GARIN3: variants seen among roughly 807,000 people sequenced by gnomAD.
GARIN3 encodes Golgi-associated RAB2 interactor protein 3.
At chr5:157,165,935 G>T in the GARIN3 span, 1 of 1,614,194 alleles carries the variant, frequency 6.2e-7, no homozygotes, top group Non-Finnish European at 8.5e-7. Flanking sequence ...GGAGGATGGG[G>T]CTGGTGCAGA....
the GARIN3 span, chr5:157,163,465 CCTGCTGTCCTT>C: frequency 5.6e-6 from 9 of 1,614,234 alleles, no homozygotes; most frequent in South Asian, 9.9e-5. Flanking sequence ...TGCCATGCCA[CCTGCTGTCCTT>C]GCTGCTCCTC....
chr5:157,165,833 C>A, the GARIN3 span: 13 of 1,614,096 alleles, frequency 8.1e-6, no homozygotes, highest in Non-Finnish European at 1.1e-5. Flanking sequence ...TCTTGACGGG[C>A]CTGCGACCTC....
chr5:157,163,277 T>C, the GARIN3 span: 10 of 1,614,220 alleles, frequency 6.2e-6, no homozygotes, highest in South Asian at 1.1e-5. Context: ...GCACCTGCCA[T>C]GGACTTGCTG....
chr5:157,163,079 C>G, the GARIN3 span: 4 of 1,614,218 alleles, frequency 2.5e-6, no homozygotes, highest in Non-Finnish European at 3.4e-6. Flanking sequence ...ATGAGGGGTC[C>G]CACTGCTGGT....
the GARIN3 span, chr5:157,162,731 T>C: frequency 3.7e-6 from 6 of 1,614,210 alleles, no homozygotes; most frequent in Non-Finnish European, 5.1e-6. Flanking sequence ...AGTTCCTGAG[T>C]TGTTCTCGAC....
chr5:157,164,442 G>A, the GARIN3 span, among the ~76,000 whole-genome samples: 2 of 152,098 alleles, frequency 1.3e-5, no homozygotes, highest in Admixed American at 1.3e-4. Flanking sequence ...ATGAGCCACC[G>A]CACCCGGCCT....
the GARIN3 span, chr5:157,163,533 C>G: frequency 2.5e-6 from 4 of 1,614,004 alleles, no homozygotes; most frequent in East Asian, 6.7e-5. Flanking sequence ...CCGCACTAGC[C>G]GTTCCGTGGG....
At chr5:157,166,072 A>G in the GARIN3 span, 2 of 1,614,176 alleles carry the variant, frequency 1.2e-6, no homozygotes, top group Non-Finnish European at 1.7e-6. Flanking sequence ...CCTCTGTTGT[A>G]CAATTGTCGT....
At chr5:157,162,831 A>T in the GARIN3 span, 1 of 1,613,304 alleles carries the variant, frequency 6.2e-7, no homozygotes. Flanking sequence ...CTTTTTTGTC[A>T]TCTCTCGTGT....
At chr5:157,164,146 CTTTTTTT>C in the GARIN3 span, among the ~76,000 whole-genome samples, 1 of 127,220 alleles carries the variant, frequency 7.9e-6, no homozygotes, top group Non-Finnish European at 1.7e-5. Context: ...AGTCTTTTGT[CTTTTTTT>C]TTTTTTTTTT....
chr5:157,162,556 A>G, the GARIN3 span: 4 of 1,613,940 alleles, frequency 2.5e-6, no homozygotes, highest in Non-Finnish European at 3.4e-6. Flanking sequence ...TTTGGCCTCT[A>G]TGTTTTGCTT....
the GARIN3 span, chr5:157,162,391 T>G: frequency 6.5e-7 from 1 of 1,548,998 alleles, no homozygotes; most frequent in Non-Finnish European, 8.7e-7. Flanking sequence ...AAAGCTGGGA[T>G]GGGCTCCTCT....
At chr5:157,165,263 T>C in the GARIN3 span, among the ~76,000 whole-genome samples, 1 of 151,910 alleles carries the variant, frequency 6.6e-6, no homozygotes, top group Non-Finnish European at 1.5e-5. Context: ...TGGGTTGGGG[T>C]ATTAAGTGTT....
chr5:157,166,215 CGA>C, the GARIN3 span: 1 of 1,568,084 alleles, frequency 6.4e-7, no homozygotes, highest in Non-Finnish European at 8.6e-7. Context: ...ATAGAGTCCC[CGA>C]GAGAGAGACG....
At chr5:157,163,068 G>A in the GARIN3 span, 2 of 1,614,248 alleles carry the variant, frequency 1.2e-6, no homozygotes, top group South Asian at 1.1e-5. Context: ...GCAAGGTGGA[G>A]ATGAGGGGTC....
At chr5:157,162,606 T>C in the GARIN3 span, 3 of 1,614,242 alleles carry the variant, frequency 1.9e-6, no homozygotes, top group South Asian at 3.3e-5. Flanking sequence ...CTCTGTCATG[T>C]GATGTGACCC....
chr5:157,163,018 T>G, the GARIN3 span: 10 of 1,614,152 alleles, frequency 6.2e-6, no homozygotes, highest in Admixed American at 1.0e-4. Context: ...CTGGGAAACT[T>G]TCTGGCTTCC....
the GARIN3 span, among the ~76,000 whole-genome samples, chr5:157,163,925 C>T: frequency 1.4e-4 from 22 of 152,146 alleles, no homozygotes; most frequent in African/African-American, 4.1e-4. Flanking sequence ...GACAGGATGG[C>T]GCATGCCTGT....
At chr5:157,163,186 A>G in the GARIN3 span, 1 of 1,614,140 alleles carries the variant, frequency 6.2e-7, no homozygotes, top group African/African-American at 1.3e-5. Context: ...GGCCCCCGCC[A>G]TCGAGGTGGA....
Sources: gnomAD v4.1 joint callset for allele counts (sites outside exome capture counted in the v4.1 genomes callset) on GRCh38, gnomAD v4.1.1 for gene constraint, MANE v1.5 for transcripts, NCBI Gene and HGNC (gene_info 2026-07-23, HGNC 2026-07-21) for gene names.